Variants in NBEA observed in about 807,000 individuals in gnomAD.
NBEA encodes lysosomal-trafficking regulator 2.
In NBEA, 44 loss-of-function variants were observed where a neutral mutation model predicts 343.4. The observed-to-expected ratio is 0.13, with a 90% CI of 0.10 to 0.16. NBEA has a LOEUF of 0.16. Among genes scored for constraint, NBEA ranks in the 10% least tolerant of loss-of-function variants. The probability of loss-of-function intolerance (pLI) is 1.00; values close to 1 mark genes in which losing one functional copy is unlikely to be tolerated. For synonymous variants in NBEA, 1,175 were observed against 1,238.7 expected (o/e 0.95, Z 1.08); for missense variants, 2,555 against 3,631.3 (o/e 0.70, Z 7.62).
At chr13:35,238,846 T>C (rs1277819171) in intron 34 of NBEA, among the ~76,000 whole-genome samples, 1 of 152,168 alleles carries the variant, frequency 6.6e-6, no homozygotes, top group Admixed American at 6.5e-5. Flanking sequence ...CGACTAGCAT[T>C]TTTTAAAAGT....
intron 28 of NBEA, among the ~76,000 whole-genome samples, chr13:35,179,441 TC>T (rs2071150257): frequency 6.6e-6 from 1 of 151,448 alleles, no homozygotes; most frequent in African/African-American, 2.4e-5. Flanking sequence ...ATTTAGTCAT[TC>T]CCCAGATGTT....
chr13:35,301,442 C>A (rs2036540776), intron 35 of NBEA, among the ~76,000 whole-genome samples: 1 of 151,924 alleles, frequency 6.6e-6, no homozygotes, highest in African/African-American at 2.4e-5. Context: ...TGCAGTGTTT[C>A]ATTTTCTGTT....
rs111681373 is a variant in NBEA at position 35,006,127 on chromosome 13, C to T, written c.295-34806C>T. Among the ~76,000 whole-genome samples the T allele has an allele frequency of 6.4e-3, 972 of 152,092 alleles. 11 individuals carry two copies. Among genetic ancestry groups the T allele is most frequent in the African/African-American group, 0.022 (928 of 41,508 alleles). ...TAGTCTCTTTACGTGTAATTATTGACGTGTTTGAATTTAAACATACCATAT... is the reference window on the plus strand; with the variant it reads ...TAGTCTCTTTACGTGTAATTATTGATGTGTTTGAATTTAAACATACCATAT... On this transcript the variant is annotated intron_variant, in intron 1 of 58. Transcript: ENST00000379939.
rs771383700 is a variant in NBEA at position 35,159,787 on chromosome 13, A to G, written c.3616A>G (p.Lys1206Glu). The G allele has an allele frequency of 9.3e-6, 15 of 1,612,394 alleles. No homozygotes were observed. The African/African-American group carries it at 1.7e-4, about 19-fold the overall frequency. The stretch of plus-strand genomic sequence containing the variant: ...TTGTACATCCAGTATAATAGAAGAA[A>G]AAGAATTCAAAATCCATACAACTTC... Reference protein sequence around the residue: ...LTCTSSIIEEKEFKIHTTSDG... With the variant: ...LTCTSSIIEEEEFKIHTTSDG... Residue 1206 changes from lysine (K) to glutamate (E), a missense_variant, in exon 22 of 59, where the codon AAA becomes GAA. Lys to Glu is a moderately conservative substitution (Grantham distance 56). This residue lies in a region of NBEA where 367 missense variants were observed against 377.5 expected (regional missense o/e 0.97). Coordinates refer to ENST00000379939, the MANE Select transcript of NBEA (RefSeq NM_001385012.1).
chr13:35,037,034 T>C (rs1266358980), intron 1 of NBEA, among the ~76,000 whole-genome samples: 2 of 152,164 alleles, frequency 1.3e-5, no homozygotes, highest in African/African-American at 4.8e-5. Context: ...CAGTACCTCT[T>C]AGATTTGCCC....
intron 40 of NBEA, among the ~76,000 whole-genome samples, chr13:35,464,709 C>G (rs982864147): frequency 1.3e-5 from 2 of 152,182 alleles, no homozygotes; most frequent in African/African-American, 4.8e-5. Flanking sequence ...AGTGCTATCA[C>G]ACAGGGATGT....
At position 35,208,789 on chromosome 13, in the gene NBEA, C is replaced by G; in HGVS notation, c.5456C>G (p.Thr1819Arg). Reference protein sequence around the residue: ...GATTAGSGLPTGSTSNIFAAT... With the variant: ...GATTAGSGLPRGSTSNIFAAT... ...ACTACTGCTGGAAGTGGGCTGCCAA[C>G]AGGCAGTACCTCTAATATATTTGCT... Residue 1819 changes from threonine to arginine, a missense_variant, in exon 32 of 59, where the codon ACA becomes AGA. This residue lies in a region of NBEA where 270 missense variants were observed against 293.3 expected (regional missense o/e 0.92). Coordinates refer to ENST00000379939, the MANE Select transcript of NBEA (RefSeq NM_001385012.1). 1.2e-6 allele frequency: 2 copies of G among 1,610,704 alleles called. No homozygotes were observed. The highest frequency in any genetic ancestry group is 1.7e-6 in the Non-Finnish European group (2 of 1,178,020).
At chr13:35,444,409 C>T (rs2045890207) in intron 39 of NBEA, among the ~76,000 whole-genome samples, 1 of 151,832 alleles carries the variant, frequency 6.6e-6, no homozygotes, top group African/African-American at 2.4e-5. Context: ...TCAAAGTATT[C>T]ATGTAATTAA....
intron 1 of NBEA, among the ~76,000 whole-genome samples, chr13:34,971,903 G>A (rs1203959608): frequency 6.6e-6 from 1 of 151,380 alleles, no homozygotes; most frequent in Non-Finnish European, 1.5e-5. Flanking sequence ...TTTTGGAATA[G>A]TTTCAATAGG....
intron 41 of NBEA, among the ~76,000 whole-genome samples, chr13:35,548,936 T>G (rs1257060071): frequency 1.3e-5 from 2 of 152,144 alleles, no homozygotes; most frequent in African/African-American, 4.8e-5. Flanking sequence ...CAATGGAACT[T>G]AATAGCCAGG....
At chr13:35,197,616 C>G (rs2072714421) in intron 31 of NBEA, among the ~76,000 whole-genome samples, 1 of 151,952 alleles carries the variant, frequency 6.6e-6, no homozygotes, top group Non-Finnish European at 1.5e-5. Flanking sequence ...CTCCTGGGTT[C>G]AAGCAATTCT....
chr13:35,229,407 A>G (rs533164508), intron 33 of NBEA, among the ~76,000 whole-genome samples: 36 of 152,250 alleles, frequency 2.4e-4, no homozygotes, highest in East Asian at 3.9e-4. Flanking sequence ...ATTTTCCCCT[A>G]AAGTCAGTAT....
At chr13:35,392,393 A>G (rs1194214482) in intron 38 of NBEA, among the ~76,000 whole-genome samples, 1 of 151,932 alleles carries the variant, frequency 6.6e-6, no homozygotes, top group Non-Finnish European at 1.5e-5. Flanking sequence ...AAAGCCCTGA[A>G]GTATGTAAAT....
intron 38 of NBEA, among the ~76,000 whole-genome samples, chr13:35,361,372 A>G (rs2040796581): frequency 6.6e-6 from 1 of 152,098 alleles, no homozygotes; most frequent in African/African-American, 2.4e-5. Context: ...TTGGGACTTT[A>G]AGAATGCAGA....
intron 44 of NBEA, 59 bp from the exon 45 acceptor site, chr13:35,566,844 CAG>C (rs999593537): frequency 2.7e-5 from 24 of 897,534 alleles, no homozygotes; most frequent in Admixed American, 4.4e-5. Context: ...TTTGTAAAAA[CAG>C]AAACTATTTC....
intron 1 of NBEA, among the ~76,000 whole-genome samples, chr13:34,988,166 G>C (rs1208030339): frequency 6.6e-6 from 1 of 150,862 alleles, no homozygotes; most frequent in Non-Finnish European, 1.5e-5. Flanking sequence ...CCTCTGGAAG[G>C]TTCGTCCCAG....
chr13:35,301,420 T>C (rs1041438718), intron 35 of NBEA, among the ~76,000 whole-genome samples: 5 of 152,082 alleles, frequency 3.3e-5, no homozygotes, highest in African/African-American at 9.7e-5. Context: ...CTCCCACTTA[T>C]GAGTGAGAAC....
chr13:35,523,772 A>G (rs1484849926), intron 41 of NBEA, among the ~76,000 whole-genome samples: 1 of 152,138 alleles, frequency 6.6e-6, no homozygotes, highest in Non-Finnish European at 1.5e-5. Flanking sequence ...AATATTTGCC[A>G]GGGATTTGTC....
At chr13:35,194,237 G>A (rs1478632843) in intron 30 of NBEA, among the ~76,000 whole-genome samples, 1 of 151,864 alleles carries the variant, frequency 6.6e-6, no homozygotes, top group Non-Finnish European at 1.5e-5. Context: ...TTTAGTATGT[G>A]TGTACAAAAC....
Sources: allele counts gnomAD v4.1 joint callset (sites outside exome capture counted in the v4.1 genomes callset), GRCh38; gene constraint gnomAD v4.1.1; regional missense constraint gnomAD v4.1.1; transcripts MANE v1.5; gene names NCBI Gene and HGNC (gene_info 2026-07-23, HGNC 2026-07-21).